The following SPIN1 variants were observed in gnomAD, a reference collection of about 807,000 sequenced individuals.
The protein encoded by SPIN1 is spindlin-1.
SPIN1 carries 3 observed loss-of-function variants against 26.0 expected under a neutral mutation model. The ratio of observed to expected loss-of-function variants is 0.12; its 90% CI spans 0.05 to 0.30. The LOEUF (loss-of-function observed/expected upper bound fraction) is 0.30. Among genes scored for constraint, SPIN1 ranks in the 10% least tolerant of loss-of-function variants. The pLI is 1.00. For missense variants in SPIN1, 126 were observed against 333.4 expected, an observed-to-expected ratio of 0.38 and a Z score of 4.84; for synonymous variants, 101 against 116.5, an observed-to-expected ratio of 0.87 and a Z score of 0.86.
intron 2 of SPIN1, among the ~76,000 whole-genome samples, chr9:88,431,138 G>A (rs891946912): frequency 6.6e-6 from 1 of 152,028 alleles, no homozygotes; most frequent in Admixed American, 6.6e-5. Context: ...GCCCGCCTCG[G>A]CCTCCCAGAG....
chr9:88,410,941 A>G (rs1158641022), intron 1 of SPIN1: 11 of 1,163,200 alleles, frequency 9.5e-6, no homozygotes, highest in African/African-American at 4.5e-5. Context: ...TAACTTCACA[A>G]TTGTTGCCAT....
At position 88,410,910 on chromosome 9, in the gene SPIN1, C is replaced by A. The variant is rs543731192; in HGVS notation, c.-158-15472C>A. ...TGGCTGGATGAAGCACTAGCCATCT[C>A]TTGCTTTGACAGGGCTTTCCTAACT... On this transcript the variant is annotated intron_variant, in intron 1 of 5. Transcript: ENST00000375859. 5.5e-5 allele frequency: 57 copies of A among 1,036,348 alleles called. 1 individual carries two copies. The African/African-American group carries it at 6.2e-4, about 11-fold the overall frequency. 64.2% of individuals were successfully genotyped at this position (1,036,348 alleles called of 1,614,324 possible).
chr9:88,427,571 T>TA (rs1419720259), intron 2 of SPIN1, among the ~76,000 whole-genome samples: 2 of 152,020 alleles, frequency 1.3e-5, no homozygotes, highest in African/African-American at 4.8e-5. Flanking sequence ...TTTTCTCATC[T>TA]AAAAAAACGG....
At chr9:88,406,034 T>TAC (rs1827301473) in intron 1 of SPIN1, among the ~76,000 whole-genome samples, 4 of 148,402 alleles carry the variant, frequency 2.7e-5, no homozygotes, top group African/African-American at 7.6e-5. Flanking sequence ...TGTGTGTGTG[T>TAC]GTGTGTGTAC....
At chr9:88,437,672 A>G (rs1316540015) in intron 2 of SPIN1, among the ~76,000 whole-genome samples, 2 of 152,224 alleles carry the variant, frequency 1.3e-5, no homozygotes, top group Admixed American at 6.5e-5. Flanking sequence ...CTGTCTTCCA[A>G]AGCGGCTCTA....
At chr9:88,411,314 T>G in intron 1 of SPIN1, 1 of 1,404,006 alleles carries the variant, frequency 7.1e-7, no homozygotes, top group Non-Finnish European at 1.0e-6. Flanking sequence ...GCACTTGGTG[T>G]TTGGATCTCT....
At chr9:88,448,071 TCTCA>T (rs935111082) in intron 2 of SPIN1, among the ~76,000 whole-genome samples, 30 of 151,484 alleles carry the variant, frequency 2.0e-4, no homozygotes, top group African/African-American at 6.8e-4. Context: ...TGAGACAGTG[TCTCA>T]CTCTGTTGCC....
chr9:88,403,153 G>A (rs1447841516), intron 1 of SPIN1, among the ~76,000 whole-genome samples: 1 of 151,814 alleles, frequency 6.6e-6, no homozygotes, highest in African/African-American at 2.4e-5. Flanking sequence ...TTTAATTGTT[G>A]GTTATTTGAG....
intron 1 of SPIN1, among the ~76,000 whole-genome samples, chr9:88,400,566 C>T (rs1268478164): frequency 6.6e-6 from 1 of 152,138 alleles, no homozygotes; most frequent in Non-Finnish European, 1.5e-5. Flanking sequence ...CTATATTTGG[C>T]CTGGCGTGAT....
At chr9:88,394,907 T>C (rs369356744) in intron 1 of SPIN1, among the ~76,000 whole-genome samples, 6 of 151,406 alleles carry the variant, frequency 4.0e-5, no homozygotes, top group African/African-American at 1.5e-4. Flanking sequence ...CCTCCCGGGT[T>C]CACGCCATTC....
intron 1 of SPIN1, among the ~76,000 whole-genome samples, chr9:88,409,423 C>T (rs948599330): frequency 4.6e-5 from 7 of 151,682 alleles, no homozygotes; most frequent in South Asian, 4.2e-4. Context: ...TGAATAATTT[C>T]GGGTCTAGGA....
At chr9:88,419,004 A>AT (rs1294008188) in intron 1 of SPIN1, 1 of 152,192 alleles carries the variant, frequency 6.6e-6, no homozygotes, top group African/African-American at 2.4e-5. Flanking sequence ...TAGAATGAGA[A>AT]TTTTGAGTTT....
chr9:88,451,872 C>G (rs564999344), intron 3 of SPIN1, among the ~76,000 whole-genome samples: 5 of 152,220 alleles, frequency 3.3e-5, no homozygotes, highest in African/African-American at 9.6e-5. Context: ...AAAAGTACAT[C>G]TTGGAGGGAA....
intron 2 of SPIN1, among the ~76,000 whole-genome samples, chr9:88,441,421 G>GCGCGCGCGCA (rs1554695452): frequency 7.4e-5 from 11 of 149,572 alleles, no homozygotes; most frequent in African/African-American, 2.5e-4. Flanking sequence ...GTGTGCGCGC[G>GCGCGCGCGCA]CGCGCGCCCA....
At chr9:88,402,050 G>GT (rs1176056522) in intron 1 of SPIN1, among the ~76,000 whole-genome samples, 1 of 152,120 alleles carries the variant, frequency 6.6e-6, no homozygotes, top group Non-Finnish European at 1.5e-5. Context: ...GAGTGCGGCG[G>GT]TGCGATCTTG....
intron 1 of SPIN1, among the ~76,000 whole-genome samples, chr9:88,409,311 T>C (rs1463255605): frequency 2.0e-5 from 3 of 151,898 alleles, no homozygotes; most frequent in African/African-American, 7.3e-5. Flanking sequence ...TCTTTTTTCT[T>C]GTTTTTTTTT....
chr9:88,419,401 A>T (rs147299283), intron 1 of SPIN1, among the ~76,000 whole-genome samples: 1 of 152,208 alleles, frequency 6.6e-6, no homozygotes, highest in African/African-American at 2.4e-5. Context: ...CAGGGGACCC[A>T]TGCGTCAGGA....
chr9:88,389,406 C>T (rs1295215819), intron 1 of SPIN1: 1 of 152,234 alleles, frequency 6.6e-6, no homozygotes, highest in Non-Finnish European at 1.5e-5. Context: ...CTCGATTTTA[C>T]AGAGGTTCGT....
At position 88,426,485 on chromosome 9, in the gene SPIN1, ATATTGAATTTT is replaced by A; in HGVS notation, c.-54_-44del. On this transcript the variant is annotated 5_prime_UTR_variant, in exon 2 of 6. Transcript: ENST00000375859. ...TCTGTGAAAAGTTTCAAATTGGAGA[ATATTGAATTTT>A]CACCCTAGTCCAGCAGCTCCGCTGC... 11 of 1,426,624 alleles carry A rather than the reference ATATTGAATTTT, an allele frequency of 7.7e-6. No homozygotes were observed. Among genetic ancestry groups the A allele is most frequent in the Non-Finnish European group, 1.1e-5 (11 of 1,018,348 alleles). 88.4% of individuals were successfully genotyped at this position (1,426,624 alleles called of 1,614,324 possible). A position where few individuals can be genotyped will look rare whatever the true frequency, so the allele number is the denominator to read the frequency against.
Sources: gnomAD v4.1 joint callset for allele counts (sites outside exome capture counted in the v4.1 genomes callset) on GRCh38, gnomAD v4.1.1 for gene constraint, MANE v1.5 for transcripts, NCBI Gene and HGNC (gene_info 2026-07-23, HGNC 2026-07-21) for gene names.